PTPRD: variants seen among roughly 807,000 people sequenced by gnomAD.
PTPRD encodes protein tyrosine phosphatase receptor type D.
In PTPRD, 34 loss-of-function variants were observed where a neutral mutation model predicts 214.5. The observed-to-expected ratio is 0.16, with a 90% CI of 0.12 to 0.21. The LOEUF (loss-of-function observed/expected upper bound fraction) is 0.21, where lower values mean the gene tolerates loss of function less well. PTPRD is among the 10% of genes least tolerant of loss of function. The pLI, the probability that PTPRD is intolerant of heterozygous loss-of-function variation, is 1.00. For missense variants in PTPRD, 2,545 were observed against 2,398.7 expected (o/e 1.06, Z -1.27); for synonymous variants, 1,128 against 845.7 (o/e 1.33, Z -5.79).
chr9:8,803,505 T>C (rs1262650517), intron 11 of PTPRD, among the ~76,000 whole-genome samples: 5 of 152,150 alleles, frequency 3.3e-5, no homozygotes, highest in Non-Finnish European at 7.4e-5. Flanking sequence ...TTTGAGTTCT[T>C]TACACTTACA....
intron 11 of PTPRD, among the ~76,000 whole-genome samples, chr9:8,973,422 TCCA>T (rs2099250653): frequency 6.6e-6 from 1 of 152,212 alleles, no homozygotes; most frequent in East Asian, 1.9e-4. Context: ...TGCGTAGTAT[TCCA>T]CAGTACATAT....
chr9:10,318,454 C>A (rs899513329), intron 3 of PTPRD, among the ~76,000 whole-genome samples: 1 of 151,974 alleles, frequency 6.6e-6, no homozygotes, highest in Non-Finnish European at 1.5e-5. Context: ...GCCTCAGGTT[C>A]CCGTCAGGCC....
intron 14 of PTPRD, among the ~76,000 whole-genome samples, chr9:8,617,610 C>T (rs929808029): frequency 6.6e-5 from 10 of 152,056 alleles, no homozygotes; most frequent in African/African-American, 2.2e-4. Flanking sequence ...TGATTTCATT[C>T]CTACTTAAAA....
chr9:9,318,978 T>C (rs922327632), intron 9 of PTPRD, among the ~76,000 whole-genome samples: 11 of 152,222 alleles, frequency 7.2e-5, no homozygotes, highest in African/African-American at 2.4e-4. Context: ...TTATGAACTA[T>C]AGTTTCCTCT....
chr9:9,080,912 C>T (rs756528381), intron 10 of PTPRD, among the ~76,000 whole-genome samples: 34 of 151,808 alleles, frequency 2.2e-4, no homozygotes, highest in African/African-American at 3.4e-4. Context: ...ATCTGGCTAG[C>T]GGTCTATTTT....
At chr9:10,305,799 T>C (rs902817108) in intron 3 of PTPRD, among the ~76,000 whole-genome samples, 2 of 151,814 alleles carry the variant, frequency 1.3e-5, no homozygotes, top group Non-Finnish European at 1.5e-5. Flanking sequence ...TGTGGAGAAA[T>C]AGGAACACTT....
rs139085510 is a variant in PTPRD at position 9,949,820 on chromosome 9, G to A, written c.-471-11210C>T. ...AACTTTAGACTGAAGCCAACACTCTGAAGAGCAAGTAGAGATCAAAATAAA... is the reference window on the plus strand; with the variant it reads ...AACTTTAGACTGAAGCCAACACTCTAAAGAGCAAGTAGAGATCAAAATAAA... On this transcript the variant is annotated intron_variant, in intron 4 of 45. Coordinates refer to ENST00000381196, the MANE Select transcript of PTPRD (RefSeq NM_002839.4). 8.5e-3 allele frequency among the ~76,000 whole-genome samples: 1,294 copies of A among 152,298 alleles called. 9 individuals carry two copies. Among genetic ancestry groups the A allele is most frequent in the Middle Eastern group, 0.014 (4 of 294 alleles).
At chr9:8,702,895 C>A (rs1430082028) in intron 12 of PTPRD, among the ~76,000 whole-genome samples, 2 of 152,232 alleles carry the variant, frequency 1.3e-5, no homozygotes, top group African/African-American at 4.8e-5. Flanking sequence ...GCGTGAGCCA[C>A]TGCGCCCGGC....
intron 10 of PTPRD, among the ~76,000 whole-genome samples, chr9:9,035,912 G>C (rs2099620241): frequency 6.6e-6 from 1 of 152,040 alleles, no homozygotes; most frequent in Non-Finnish European, 1.5e-5. Flanking sequence ...CATATAGAAA[G>C]ATATTTGAAG....
chr9:9,637,644 G>T (rs1329549960), intron 7 of PTPRD, among the ~76,000 whole-genome samples: 2 of 152,176 alleles, frequency 1.3e-5, no homozygotes, highest in Non-Finnish European at 2.9e-5. Flanking sequence ...ACATTGAAAT[G>T]CATGCCTGAG....
intron 3 of PTPRD, among the ~76,000 whole-genome samples, chr9:10,257,233 G>A (rs2093350864): frequency 6.6e-6 from 1 of 152,190 alleles, no homozygotes; most frequent in African/African-American, 2.4e-5. Flanking sequence ...GATACAAGGA[G>A]AAAAGGTTGC....
At chr9:9,081,058 G>T (rs989660326) in intron 10 of PTPRD, among the ~76,000 whole-genome samples, 1 of 151,708 alleles carries the variant, frequency 6.6e-6, no homozygotes, top group African/African-American at 2.4e-5. Context: ...GTTTGCTCTT[G>T]CTTCTCTACT....
chr9:9,188,599 A>G (rs1205504983), intron 9 of PTPRD, among the ~76,000 whole-genome samples: 1 of 152,058 alleles, frequency 6.6e-6, no homozygotes, highest in Non-Finnish European at 1.5e-5. Flanking sequence ...GGACTAGAAA[A>G]GGGAAGACCC....
chr9:9,991,832 C>CCACACA (rs56267970), intron 4 of PTPRD, among the ~76,000 whole-genome samples: 2,872 of 147,610 alleles, frequency 0.019, 34 homozygotes, highest in Non-Finnish European at 0.025. Flanking sequence ...TTCAACAGCA[C>CCACACA]CACACACACA....
chr9:10,386,076 G>A (rs888041450), intron 2 of PTPRD, among the ~76,000 whole-genome samples: 11 of 151,552 alleles, frequency 7.3e-5, no homozygotes, highest in Admixed American at 6.6e-4. Context: ...TAAAATTGAA[G>A]GCATGAAATT....
At chr9:8,960,600 T>A (rs967940036) in intron 11 of PTPRD, among the ~76,000 whole-genome samples, 3 of 152,102 alleles carry the variant, frequency 2.0e-5, no homozygotes, top group Non-Finnish European at 4.4e-5. Context: ...GAAGAAAGCA[T>A]TCTAGCTGCC....
intron 11 of PTPRD, among the ~76,000 whole-genome samples, chr9:8,782,555 T>C (rs1032514745): frequency 1.3e-5 from 2 of 151,936 alleles, no homozygotes; most frequent in African/African-American, 4.8e-5. Flanking sequence ...CCTCAACCTA[T>C]TTCAGTGCTG....
intron 10 of PTPRD, among the ~76,000 whole-genome samples, chr9:9,075,210 T>C (rs2154414935): frequency 6.6e-6 from 1 of 152,204 alleles, no homozygotes; most frequent in South Asian, 2.1e-4. Context: ...ATGAGATATT[T>C]TGATCCAGGC....
At chr9:9,653,518 C>T (rs2096429946) in intron 7 of PTPRD, among the ~76,000 whole-genome samples, 4 of 151,994 alleles carry the variant, frequency 2.6e-5, no homozygotes, top group Admixed American at 2.0e-4. Context: ...TGTCCAGAAG[C>T]ATCAGTTAAA....
Sources: allele counts gnomAD v4.1 joint callset (sites outside exome capture counted in the v4.1 genomes callset), GRCh38; gene constraint gnomAD v4.1.1; transcripts MANE v1.5; gene names NCBI Gene and HGNC (gene_info 2026-07-23, HGNC 2026-07-21).